Variants in TMEM165 observed in about 807,000 individuals in gnomAD.
TMEM165 encodes the protein putative divalent cation/proton antiporter TMEM165.
In TMEM165, 19 loss-of-function variants were observed where a neutral mutation model predicts 30.0. The ratio of observed to expected loss-of-function variants is 0.63; its 90% confidence interval spans 0.44 to 0.93. The LOEUF is 0.93. Ranked by LOEUF, TMEM165 falls within the 40% of genes least tolerant of loss-of-function variation. The probability of loss-of-function intolerance (pLI) is 0.00; values close to 1 mark genes in which losing one functional copy is unlikely to be tolerated. For missense variants in TMEM165, 340 were observed against 417.0 expected, an observed-to-expected ratio of 0.82 and a Z score of 1.61; for synonymous variants, 168 against 162.9, an observed-to-expected ratio of 1.03 and a Z score of -0.24.
At position 55,444,750 on chromosome 4, in the gene TMEM165, A is replaced by T. The variant is rs141240333; in HGVS notation, c.409-7489A>T. The T allele has an allele frequency of 4.0e-5, 64 of 1,613,926 alleles. No homozygotes were observed. The highest frequency in any genetic ancestry group is 5.2e-5 in the Non-Finnish European group (61 of 1,179,998). Reference sequence around the variant, plus strand: ...TCCGTTGTTCCAATTGGTCTTTCAGATGTTGCATGGCTCCTAATTGAGCTG... The same window carrying T: ...TCCGTTGTTCCAATTGGTCTTTCAGTTGTTGCATGGCTCCTAATTGAGCTG... On this transcript the variant is annotated intron_variant, in intron 3 of 3. Coordinates refer to the TMEM165 transcript ENST00000608091.
At chr4:55,426,921 T>A (rs993058783), downstream of TMEM165, among the ~76,000 whole-genome samples, 1 of 152,212 alleles carries the variant, frequency 6.6e-6, no homozygotes, top group Non-Finnish European at 1.5e-5. Flanking sequence ...CTATAGGAAG[T>A]ATCAAAGGGT....
At position 55,417,892 on chromosome 4, in the gene TMEM165, T is replaced by C; in HGVS notation, c.699T>C (p.Ile233=). The part of the protein sequence containing the change: ...TVPQKKWLHF[I]SPIFVQALTL... ...CTCAGAAAAAGTGGTTGCATTTTATTTCACCCATTTTTGTTCAAGCTCTTA... is the reference window on the plus strand; with the variant it reads ...CTCAGAAAAAGTGGTTGCATTTTATCTCACCCATTTTTGTTCAAGCTCTTA... Residue 233 remains isoleucine, a synonymous_variant, in exon 4 of 6, where the codon ATT becomes ATC. Coordinates refer to ENST00000381334, the MANE Select transcript of TMEM165 (RefSeq NM_018475.5). 6.2e-7 allele frequency: 1 copy of C among 1,614,112 alleles called. No individual in the cohort carries two copies. The highest frequency in any genetic ancestry group is 2.2e-5 in the East Asian group (1 of 44,874).
chr4:55,399,815 C>G (rs917243603), intron 1 of TMEM165, among the ~76,000 whole-genome samples: 1 of 152,042 alleles, frequency 6.6e-6, no homozygotes, highest in Non-Finnish European at 1.5e-5. Context: ...ATCCTCCTGC[C>G]TCAGCCTTCT....
chr4:55,405,304 T>C (rs923014673), intron 1 of TMEM165, among the ~76,000 whole-genome samples: 1 of 152,204 alleles, frequency 6.6e-6, no homozygotes, highest in African/African-American at 2.4e-5. Flanking sequence ...ATAACATTGA[T>C]GAGAAAAGAA....
At chr4:55,400,043 C>T (rs1720886772) in intron 1 of TMEM165, among the ~76,000 whole-genome samples, 1 of 139,876 alleles carries the variant, frequency 7.1e-6, no homozygotes, top group Non-Finnish European at 1.5e-5. Flanking sequence ...CAGGGTCTCA[C>T]TATGTTGCTC....
At chr4:55,429,575 T>C (rs1475991117), downstream of TMEM165, 1 of 152,188 alleles carries the variant, frequency 6.6e-6, no homozygotes, top group Non-Finnish European at 1.5e-5. Flanking sequence ...TTCCGCCAAA[T>C]TTAAGAACTT....
At chr4:55,398,280 G>C (rs1720815139) in intron 1 of TMEM165, among the ~76,000 whole-genome samples, 2 of 152,224 alleles carry the variant, frequency 1.3e-5, no homozygotes, top group Non-Finnish European at 2.9e-5. Flanking sequence ...AGGAGATTCT[G>C]ATATGGGAGG....
At chr4:55,427,013 AAG>A (rs971681763), downstream of TMEM165, among the ~76,000 whole-genome samples, 3 of 150,758 alleles carry the variant, frequency 2.0e-5, no homozygotes, top group Admixed American at 6.7e-5. Flanking sequence ...GTTATAAAGA[AAG>A]AGTGAGGAAT....
At chr4:55,416,571 G>A (rs1475802894) in intron 2 of TMEM165, among the ~76,000 whole-genome samples, 2 of 152,056 alleles carry the variant, frequency 1.3e-5, no homozygotes, top group Admixed American at 6.6e-5. Flanking sequence ...TAGTTACAAG[G>A]GAGCAGAGTT....
intron 3 of TMEM165, among the ~76,000 whole-genome samples, chr4:55,451,051 A>G (rs1383087636): frequency 6.6e-6 from 1 of 151,306 alleles, no homozygotes; most frequent in Non-Finnish European, 1.5e-5. Context: ...AAAAAAAAAA[A>G]GGCAAAAAAT....
At chr4:55,450,696 G>A (rs148987240) in intron 3 of TMEM165, among the ~76,000 whole-genome samples, 1,921 of 152,062 alleles carry the variant, frequency 0.013, 45 homozygotes, top group African/African-American at 0.043. Flanking sequence ...CTGAACTGAG[G>A]AGGCGGAGGA....
intron 1 of TMEM165, among the ~76,000 whole-genome samples, chr4:55,398,433 A>G (rs971876067): frequency 2.0e-5 from 3 of 152,250 alleles, no homozygotes; most frequent in Non-Finnish European, 4.4e-5. Flanking sequence ...CAGCAGAACC[A>G]GAATTAGAAT....
At chr4:55,404,362 T>C (rs1232407494) in intron 1 of TMEM165, among the ~76,000 whole-genome samples, 1 of 151,928 alleles carries the variant, frequency 6.6e-6, no homozygotes, top group African/African-American at 2.4e-5. Context: ...CTAGGGGATT[T>C]GCTGCTTTTT....
chr4:55,428,296 TGAAAAAC>T (rs1329775320), downstream of TMEM165: 3 of 152,158 alleles, frequency 2.0e-5, no homozygotes, highest in African/African-American at 7.2e-5. Context: ...AGGATAGCTT[TGAAAAAC>T]AAGTGTAACC....
intron 1 of TMEM165, chr4:55,403,119 G>A: frequency 1.8e-6 from 1 of 558,950 alleles, no homozygotes; most frequent in Non-Finnish European, 2.9e-6. Context: ...ACTTAGTAGT[G>A]CCCAGGAGAC....
At chr4:55,414,126 C>T (rs1401091729) in intron 2 of TMEM165, among the ~76,000 whole-genome samples, 1 of 152,074 alleles carries the variant, frequency 6.6e-6, no homozygotes, top group Non-Finnish European at 1.5e-5. Flanking sequence ...AAAAACTAGC[C>T]AGGCTTGGTG....
At chr4:55,437,305 A>T (rs1560410731) in intron 3 of TMEM165, among the ~76,000 whole-genome samples, 1 of 152,208 alleles carries the variant, frequency 6.6e-6, no homozygotes, top group East Asian at 1.9e-4. Flanking sequence ...ATTGATGATA[A>T]GTGCCCAGCC....
chr4:55,450,336 C>G, intron 3 of TMEM165: 2 of 1,383,200 alleles, frequency 1.4e-6, no homozygotes, highest in Non-Finnish European at 2.0e-6. Flanking sequence ...TTGTCTATAA[C>G]AAGGCAAAAG....
chr4:55,414,662 A>G (rs1055687618), intron 2 of TMEM165, among the ~76,000 whole-genome samples: 2 of 152,218 alleles, frequency 1.3e-5, no homozygotes, highest in African/African-American at 4.8e-5. Context: ...GGTCTAGGTC[A>G]GATATTGCAT....
Sources: gnomAD v4.1 joint callset for allele counts (sites outside exome capture counted in the v4.1 genomes callset) on GRCh38, gnomAD v4.1.1 for gene constraint, MANE v1.5 for transcripts, NCBI Gene and HGNC (gene_info 2026-07-23, HGNC 2026-07-21) for gene names.